BRWD1: variants seen among roughly 807,000 people sequenced by gnomAD.
BRWD1 encodes bromodomain and WD repeat domain containing 1, also known as bromodomain and WD repeat-containing protein 1.
In BRWD1, 82 loss-of-function variants were observed where a neutral mutation model predicts 251.2. The ratio of observed to expected loss-of-function variants is 0.33; its 90% CI spans 0.27 to 0.39. The LOEUF (loss-of-function observed/expected upper bound fraction) is 0.39, where lower values mean the gene tolerates loss of function less well. Among genes scored for constraint, BRWD1 ranks in the 10% least tolerant of loss-of-function variants. BRWD1 has a pLI of 1.00. For synonymous variants in BRWD1, 918 were observed against 902.8 expected, an observed-to-expected ratio of 1.02 and a Z score of -0.30; for missense variants, 2,233 against 2,711.6, an observed-to-expected ratio of 0.82 and a Z score of 3.92.
At chr21:39,306,478 T>C (rs1428315900) in intron 4 of BRWD1, among the ~76,000 whole-genome samples, 1 of 152,172 alleles carries the variant, frequency 6.6e-6, no homozygotes, top group Non-Finnish European at 1.5e-5. Context: ...GAAATATAAC[T>C]ACAGAACTGA....
At chr21:39,247,641 A>G in intron 21 of BRWD1, 60 bp downstream of exon 21, 2 of 1,504,580 alleles carry the variant, frequency 1.3e-6, no homozygotes, top group Non-Finnish European at 1.8e-6. Flanking sequence ...CATTCAAAGT[A>G]AAGAATTAAG....
intron 36 of BRWD1, 30 bp from the exon 37 acceptor site, chr21:39,206,304 A>G: frequency 6.9e-7 from 1 of 1,453,516 alleles, no homozygotes; most frequent in Non-Finnish European, 9.4e-7. Flanking sequence ...AAGTAGAATT[A>G]CAAAATAGCC....
rs1160774210 is a variant in BRWD1, at chr21:39,236,793, G to A, written c.2577-9C>T. On this transcript the variant is annotated splice_polypyrimidine_tract_variant and intron_variant, in intron 22 of 40. Transcript: ENST00000342449. ...ATCTAGATGAAGAGTCACTAGAAAA[G>A]GGGAGTGCTTTCAGTTGAATGGAGC... 6.2e-7 allele frequency: 1 copy of A among 1,610,426 alleles called. No homozygotes were observed. The highest frequency in any genetic ancestry group is 8.5e-7 in the Non-Finnish European group (1 of 1,178,586).
rs772120196 is a variant in BRWD1 at position 39,196,322 on chromosome 21, G to GT, written c.6746dup (p.Tyr2249Ter). Residue 2249 changes from tyrosine (Y) to a stop codon, truncating the protein, a stop_gained and frameshift_variant, in exon 41 of 41, where the codon TAC becomes TAAC. Transcript: ENST00000342449. LOFTEE classifies it high-confidence loss of function. ...AACTTCTGTCATCATCCCCATCATGGTATCTCACAGTCCTTCTACCCTGAT... is the reference window on the plus strand; with the variant it reads ...AACTTCTGTCATCATCCCCATCATGGTTATCTCACAGTCCTTCTACCCTGAT... The part of the protein sequence containing the change: ...TRNQGRRTVR[Y>*]HDGDDDRSLE... 6.2e-7 allele frequency: 1 copy of GT among 1,612,378 alleles called. No homozygotes were observed. Among genetic ancestry groups the GT allele is most frequent in the Non-Finnish European group, 8.5e-7 (1 of 1,179,300 alleles).
chr21:39,202,260 A>T, intron 38 of BRWD1, 65 bp downstream of exon 38: 1 of 1,180,534 alleles, frequency 8.5e-7, no homozygotes, highest in Non-Finnish European at 1.2e-6. Flanking sequence ...CTAAATCTCT[A>T]GTAACGGCCA....
intron 13 of BRWD1, among the ~76,000 whole-genome samples, chr21:39,272,006 T>C (rs2035124329): frequency 5.4e-5 from 2 of 36,816 alleles, no homozygotes; most frequent in African/African-American, 2.1e-4. Context: ...GCCACTCCAT[T>C]TCAAAAAAAA....
Position 39,218,522 on chromosome 21 carries a change from T to C in BRWD1, c.3521A>G (p.Asp1174Gly). 6.3e-7 allele frequency: 1 copy of C among 1,594,188 alleles called. No homozygotes were observed. The highest frequency in any genetic ancestry group is 8.5e-7 in the Non-Finnish European group (1 of 1,175,422). The part of the protein sequence containing the change: ...EECDRIISGI[D>G]QLLNLDIAAA... ...AAACTTACCAAGATTCAAAAGTTGA[T>C]CTATACCACTGATAATTCTATCACA... The change falls in exon 30 of 41, where the codon GAT (aspartate) becomes GGT (glycine). Residue 1174 changes from aspartate to glycine, a missense_variant. By Grantham distance (94) the Asp-to-Gly change is moderately conservative. This residue lies in a region of BRWD1 where 167 missense variants were observed against 183.2 expected (regional missense o/e 0.91). Coordinates refer to ENST00000342449, the MANE Select transcript of BRWD1 (RefSeq NM_033656.4).
chr21:39,219,054 A>C (rs2146519616), intron 29 of BRWD1, among the ~76,000 whole-genome samples: 1 of 149,086 alleles, frequency 6.7e-6, no homozygotes, highest in African/African-American at 2.5e-5. Context: ...ATGGATAAAT[A>C]ATCCCACATG....
At chr21:39,220,331 C>G (rs1390178130) in intron 29 of BRWD1, among the ~76,000 whole-genome samples, 1 of 152,186 alleles carries the variant, frequency 6.6e-6, no homozygotes, top group Non-Finnish European at 1.5e-5. Flanking sequence ...GTTCCCTCAG[C>G]CAGACTGAAA....
chr21:39,274,553 G>GA (rs1373756536), intron 12 of BRWD1, 81 bp from the exon 13 acceptor site: 2 of 1,100,838 alleles, frequency 1.8e-6, no homozygotes, highest in Non-Finnish European at 2.8e-6. Context: ...TGCAAAAAAA[G>GA]AATGTAATGA....
At chr21:39,286,402 A>G (rs1268948438) in intron 8 of BRWD1, among the ~76,000 whole-genome samples, 1 of 152,190 alleles carries the variant, frequency 6.6e-6, no homozygotes, top group Admixed American at 6.5e-5. Context: ...CCTAAGGTCA[A>G]TAGCTACTAT....
intron 15 of BRWD1, among the ~76,000 whole-genome samples, chr21:39,265,725 C>T (rs2034898646): frequency 6.6e-6 from 1 of 152,230 alleles, no homozygotes; most frequent in Admixed American, 6.5e-5. Context: ...CTAAAACGAA[C>T]ACTTTTCTAG....
chr21:39,276,920 A>C (rs1196364796), intron 11 of BRWD1, among the ~76,000 whole-genome samples: 3 of 152,196 alleles, frequency 2.0e-5, no homozygotes, highest in East Asian at 3.8e-4. Context: ...TGTATGCTTA[A>C]ATTAAAATTA....
intron 18 of BRWD1, among the ~76,000 whole-genome samples, chr21:39,256,918 G>A (rs1280503283): frequency 6.6e-6 from 1 of 152,184 alleles, no homozygotes; most frequent in Non-Finnish European, 1.5e-5. Context: ...GTGCATTAGA[G>A]AACACACTAT....
rs1184512108 is a variant in BRWD1, at chr21:39,200,095, T to G, written c.4753+124A>C. 4.1e-6 allele frequency: 4 copies of G among 965,072 alleles called. No homozygotes were observed. The African/African-American group carries it at 6.7e-5, about 16-fold the overall frequency. The allele number at this position is 965,072 out of a possible 1,614,324, so 59.8% of individuals were successfully genotyped here. ...TGCCAAAATTCATTTCCTTCCTAAATCTAAGGAACCTAAAGGACATTAACT... is the reference window on the plus strand; with the variant it reads ...TGCCAAAATTCATTTCCTTCCTAAAGCTAAGGAACCTAAAGGACATTAACT... On this transcript the variant is annotated intron_variant, in intron 39 of 40. Coordinates refer to ENST00000342449, the MANE Select transcript of BRWD1 (RefSeq NM_033656.4).
Position 39,270,005 on chromosome 21 carries a change from TC to T in BRWD1, c.1423del (p.Glu475ArgfsTer30). On this transcript the variant is annotated frameshift_variant, in exon 15 of 41. Coordinates refer to ENST00000342449, the MANE Select transcript of BRWD1 (RefSeq NM_033656.4). LOFTEE classifies it high-confidence loss of function. ...AATTCTGGAATCAAAGGGATGTGTC[TC>T]CAGAACAAATACTTCATCAGCATGT... ...MGHADEVFVL[E>X]THPFDSRIML... is the part of the protein sequence containing the mutation. 1 of 1,590,692 alleles carries T rather than the reference TC, an allele frequency of 6.3e-7. No homozygotes were observed. Among genetic ancestry groups the T allele is most frequent in the Non-Finnish European group, 8.6e-7 (1 of 1,168,462 alleles).
Position 39,194,801 on chromosome 21 carries a change from T to C in BRWD1, c.*1458A>G. 1 of 1,534,798 alleles carries C rather than the reference T, an allele frequency of 6.5e-7. No individual in the cohort carries two copies. Among genetic ancestry groups the C allele is most frequent in the Non-Finnish European group, 8.7e-7 (1 of 1,145,778 alleles). On this transcript the variant is annotated 3_prime_UTR_variant, in exon 41 of 41. Coordinates refer to ENST00000342449, the MANE Select transcript of BRWD1 (RefSeq NM_033656.4). ...AATAAATAACATTGTCTAATATTGA[T>C]ACCAGTCTGATGCTTCACCTTATCT...
intron 36 of BRWD1, among the ~76,000 whole-genome samples, chr21:39,207,403 T>C (rs1471988170): frequency 3.5e-5 from 5 of 142,702 alleles, no homozygotes; most frequent in Non-Finnish European, 7.5e-5. Context: ...CTCTCCAGCC[T>C]GGGCAACAGA....
At chr21:39,311,356 T>G (rs1361581356) in intron 4 of BRWD1, among the ~76,000 whole-genome samples, 1 of 151,844 alleles carries the variant, frequency 6.6e-6, no homozygotes, top group Non-Finnish European at 1.5e-5. Flanking sequence ...TTATTCTTTG[T>G]GGAGACAAGA....
Sources: gnomAD v4.1 joint callset for allele counts (sites outside exome capture counted in the v4.1 genomes callset) on GRCh38, gnomAD v4.1.1 for gene constraint, gnomAD v4.1.1 regional missense constraint, MANE v1.5 for transcripts, NCBI Gene and HGNC (gene_info 2026-07-23, HGNC 2026-07-21) for gene names.